Variants in LATS2 observed in about 807,000 individuals in gnomAD.
LATS2 encodes the protein large tumor suppressor kinase 2.
Under a neutral mutation model 76.0 loss-of-function variants are expected in LATS2, and 24 were observed. The ratio of observed to expected loss-of-function variants is 0.32; its 90% CI spans 0.23 to 0.44. The LOEUF (loss-of-function observed/expected upper bound fraction) is 0.44. Among genes scored for constraint, LATS2 ranks in the 20% least tolerant of loss-of-function variants. The pLI, the probability that LATS2 is intolerant of heterozygous loss-of-function variation, is 1.00. For synonymous variants in LATS2, 692 were observed against 635.4 expected (o/e 1.09, Z -1.34); for missense variants, 1,286 against 1,481.2 (o/e 0.87, Z 2.16).
rs374588173 is a variant in LATS2, at chr13:20,998,513, C to T, written c.343-7109G>A. ...GGAGGATTGCCAGCAGGGTGGTCTT[C>T]AAAAGAATCTCTGACCCAAAGGCCT... On this transcript the variant is annotated intron_variant, in intron 2 of 7. Coordinates refer to ENST00000382592, the MANE Select transcript of LATS2 (RefSeq NM_014572.3). 2.4e-3 allele frequency among the ~76,000 whole-genome samples: 369 copies of T among 152,220 alleles called. 16 individuals are homozygous for T. The South Asian group carries it at 0.073, about 30-fold the overall frequency.
chr13:20,996,440 G>T lies in LATS2; in HGVS notation c.343-5036C>A, dbSNP rs906098498. Among the ~76,000 whole-genome samples, 7 of 149,462 alleles carry T rather than the reference G, an allele frequency of 4.7e-5. No homozygotes were observed. The Admixed American group carries it at 4.7e-4, about 10-fold the overall frequency. On this transcript the variant is annotated intron_variant, in intron 2 of 7. Coordinates refer to ENST00000382592, the MANE Select transcript of LATS2 (RefSeq NM_014572.3). ...GTCCCCCAGGGTGGAGTACAGTGGC[G>T]TAATATTGGCTCACTGAAATTTCAT...
At chr13:20,995,297 T>C (rs1870704316) in intron 2 of LATS2, among the ~76,000 whole-genome samples, 1 of 152,218 alleles carries the variant, frequency 6.6e-6, no homozygotes, top group Non-Finnish European at 1.5e-5. Flanking sequence ...CTTACAATAA[T>C]TATACAAAGA....
At chr13:20,996,035 C>T (rs1870735443) in intron 2 of LATS2, among the ~76,000 whole-genome samples, 1 of 152,180 alleles carries the variant, frequency 6.6e-6, no homozygotes, top group Non-Finnish European at 1.5e-5. Context: ...GCTAATGTCT[C>T]ATAGAAAAAG....
chr13:21,036,480 AG>A (rs1390057999), intron 2 of LATS2, among the ~76,000 whole-genome samples: 1 of 152,108 alleles, frequency 6.6e-6, no homozygotes, highest in Admixed American at 6.5e-5. Context: ...ACTGCAATTA[AG>A]AACACAAAGC....
chr13:21,005,981 C>T (rs933309809), intron 2 of LATS2, among the ~76,000 whole-genome samples: 6 of 151,454 alleles, frequency 4.0e-5, no homozygotes, highest in African/African-American at 1.5e-4. Flanking sequence ...GGAGTGGTGG[C>T]GCATGTCTGT....
chr13:21,021,464 G>A (rs1425481511), intron 2 of LATS2, among the ~76,000 whole-genome samples: 1 of 103,430 alleles, frequency 9.7e-6, no homozygotes, highest in Non-Finnish European at 1.8e-5. Flanking sequence ...AGCAGAGTGA[G>A]ACTCTGTCTC....
At chr13:21,052,612 A>G (rs1873309611) in intron 1 of LATS2, among the ~76,000 whole-genome samples, 2 of 152,206 alleles carry the variant, frequency 1.3e-5, no homozygotes, top group East Asian at 3.9e-4. Flanking sequence ...TCAGCCTCCC[A>G]AAGAGCTGGG....
Position 20,988,146 on chromosome 13 carries a change from C to G in LATS2, c.1634G>C (p.Arg545Pro). The change falls in exon 4 of 8, where the codon CGT (arginine) becomes CCT (proline). Residue 545 changes from arginine (R) to proline (P), a missense_variant. Coordinates refer to ENST00000382592, the MANE Select transcript of LATS2 (RefSeq NM_014572.3). ...GCCCTCGGGCTCGTTGGGGCCCGCA[C>G]GGAGGCTCTGCTCCATGCCTGCGCA... ...SLCAGMEQSLRAGPNEPEGGD... is the reference protein window; with the variant it reads ...SLCAGMEQSLPAGPNEPEGGD... 1 of 1,614,158 alleles carries G rather than the reference C, an allele frequency of 6.2e-7. No homozygotes were observed. The highest frequency in any genetic ancestry group is 1.3e-5 in the African/African-American group (1 of 75,078).
chr13:21,053,233 C>CAAAA (rs1194900665), intron 1 of LATS2, among the ~76,000 whole-genome samples: 2 of 38,366 alleles, frequency 5.2e-5, no homozygotes, highest in African/African-American at 1.1e-4. Flanking sequence ...GACTCTGTCT[C>CAAAA]AAAAAAAAAA....
At chr13:20,978,535 G>GAT (rs1184371429) in intron 7 of LATS2, among the ~76,000 whole-genome samples, 3 of 152,154 alleles carry the variant, frequency 2.0e-5, no homozygotes, top group Non-Finnish European at 4.4e-5. Context: ...TGCGAACAAT[G>GAT]ATATAATATC....
chr13:20,991,584 A>G lies in LATS2; in HGVS notation c.343-180T>C, dbSNP rs373640437. ...GCAGGTGGCTGTGTGCCCTGCAGGT[A>G]CCTGATGGCAAAAGCCTAGCACAAG... On this transcript the variant is annotated intron_variant, in intron 2 of 7. Transcript: ENST00000382592. The surrounding 1 kb of genome is among the most constrained non-coding windows in gnomAD (Gnocchi z 4.9). Among the ~76,000 whole-genome samples the G allele has an allele frequency of 1.0e-3, 155 of 152,284 alleles. No individual in the cohort carries two copies. The highest frequency in any genetic ancestry group is 3.3e-3 in the African/African-American group (139 of 41,578).
chr13:21,058,173 T>C (rs1873508318), intron 1 of LATS2, among the ~76,000 whole-genome samples: 1 of 152,246 alleles, frequency 6.6e-6, no homozygotes, highest in Non-Finnish European at 1.5e-5. Context: ...ACAGATTTAG[T>C]CAAGACAGAG....
At chr13:21,023,680 AAAAC>A (rs1158524368) in intron 2 of LATS2, among the ~76,000 whole-genome samples, 75 of 4,686 alleles carry the variant, frequency 0.016, 26 homozygotes, top group African/African-American at 0.023. Flanking sequence ...AAAAAAAAAA[AAAAC>A]AAACCTCGGC....
At chr13:20,987,796 A>G in intron 4 of LATS2, 85 bp downstream of exon 4, 4 of 1,493,342 alleles carry the variant, frequency 2.7e-6, no homozygotes, top group Non-Finnish European at 3.6e-6. Flanking sequence ...TATACAGTCG[A>G]AACAGAAAAG....
chr13:21,060,527 C>T (rs1873601255), intron 1 of LATS2, among the ~76,000 whole-genome samples: 1 of 152,090 alleles, frequency 6.6e-6, no homozygotes, highest in Non-Finnish European at 1.5e-5. Flanking sequence ...CGGGAGACGC[C>T]GAGCAGGGCC....
chr13:21,032,987 C>T (rs1319350728), intron 2 of LATS2, among the ~76,000 whole-genome samples: 1 of 151,974 alleles, frequency 6.6e-6, no homozygotes, highest in Admixed American at 6.6e-5. Context: ...AAGTGGAGAT[C>T]AGATTGGAAG....
chr13:20,986,935 G>A (rs778039858), intron 4 of LATS2, among the ~76,000 whole-genome samples: 30 of 152,350 alleles, frequency 2.0e-4, no homozygotes, highest in Non-Finnish European at 1.9e-4. Context: ...GCTCACACGT[G>A]TAATTCCAGC....
chr13:20,994,276 T>G (rs1004712198), intron 2 of LATS2, among the ~76,000 whole-genome samples: 1 of 152,230 alleles, frequency 6.6e-6, no homozygotes, highest in Non-Finnish European at 1.5e-5. Flanking sequence ...CCCATGTCCT[T>G]TGAGGCTTGC....
At chr13:20,981,760 A>C in intron 5 of LATS2, 112 bp from the exon 6 acceptor site, 1 of 858,244 alleles carries the variant, frequency 1.2e-6, no homozygotes, top group South Asian at 1.8e-5. Flanking sequence ...CATTCCAATC[A>C]GCTCCTGACA....
Sources: allele counts gnomAD v4.1 joint callset (sites outside exome capture counted in the v4.1 genomes callset), GRCh38; gene constraint gnomAD v4.1.1; non-coding constraint Gnocchi (gnomAD v3.1); transcripts MANE v1.5; gene names NCBI Gene and HGNC (gene_info 2026-07-23, HGNC 2026-07-21).